TG: variants seen among roughly 807,000 people sequenced by gnomAD.
The protein encoded by TG is thyroglobulin, also known as thyroid hormones.
TG carries 270 observed loss-of-function variants against 324.7 expected under a neutral mutation model. The ratio of observed to expected loss-of-function variants is 0.83; its 90% confidence interval spans 0.75 to 0.92. TG has a LOEUF of 0.92. Ranked by LOEUF, TG falls within the 40% of genes least tolerant of loss-of-function variation. The pLI, the probability that TG is intolerant of heterozygous loss-of-function variation, is 0.00. For missense variants in TG, 3,591 were observed against 3,456.4 expected (o/e 1.04, Z -0.98); for synonymous variants, 1,401 against 1,327.0 (o/e 1.06, Z -1.21).
At chr8:132,872,140 TATC>T (rs1188195113) in intron 4 of TG, among the ~76,000 whole-genome samples, 1 of 152,174 alleles carries the variant, frequency 6.6e-6, no homozygotes, top group Non-Finnish European at 1.5e-5. Context: ...AGCTAAGTGT[TATC>T]ATAAAAGAGT....
At chr8:133,032,958 C>T (rs1456527752) in intron 41 of TG, among the ~76,000 whole-genome samples, 3 of 152,126 alleles carry the variant, frequency 2.0e-5, no homozygotes, top group Admixed American at 6.6e-5. Context: ...TACCAAAGAA[C>T]ACACAGCAAG....
Position 132,882,814 on chromosome 8 carries a change from G to A in TG, c.890G>A (p.Cys297Tyr). The A allele has an allele frequency of 6.2e-7, 1 of 1,614,136 alleles. No individual in the cohort carries two copies. The highest frequency in any genetic ancestry group is 1.7e-5 in the Admixed American group (1 of 60,028). ...VQSVISGRFR[C>Y]PTKCEVERFT... is the part of the protein sequence containing the mutation. Reference sequence around the variant, plus strand: ...TCTTTACTGTGTGGATTTCCTCTAGGCCCCACAAAATGTGAAGTGGAGCGG... The same window carrying A: ...TCTTTACTGTGTGGATTTCCTCTAGACCCCACAAAATGTGAAGTGGAGCGG... The change falls in exon 8 of 48, where the codon TGC (cysteine) becomes TAC (tyrosine). Residue 297 changes from cysteine to tyrosine, a missense_variant and splice_region_variant. Coordinates refer to ENST00000220616, the MANE Select transcript of TG (RefSeq NM_003235.5).
At chr8:133,123,080 C>G (rs1030104388) in intron 45 of TG, among the ~76,000 whole-genome samples, 1 of 152,126 alleles carries the variant, frequency 6.6e-6, no homozygotes, top group African/African-American at 2.4e-5. Context: ...TCCCCCTAAG[C>G]TGTGCCAACC....
intron 35 of TG, among the ~76,000 whole-genome samples, chr8:133,000,869 C>T (rs563142677): frequency 2.6e-5 from 4 of 152,152 alleles, no homozygotes; most frequent in Non-Finnish European, 4.4e-5. Flanking sequence ...CAAAGTACCA[C>T]GAACTGGGTA....
intron 14 of TG, 132 bp from the exon 15 acceptor site, chr8:132,900,105 C>T: frequency 1.3e-6 from 1 of 746,712 alleles, no homozygotes; most frequent in South Asian, 1.5e-5. Context: ...CTCTCCCCAC[C>T]TCCACATCTC....
intron 34 of TG, among the ~76,000 whole-genome samples, chr8:132,982,023 A>G (rs1175685291): frequency 2.0e-5 from 3 of 152,206 alleles, no homozygotes; most frequent in Non-Finnish European, 4.4e-5. Flanking sequence ...CACAGGGACA[A>G]GAGACATGGC....
chr8:132,968,365 A>G (rs1828942750), intron 31 of TG, among the ~76,000 whole-genome samples: 2 of 152,208 alleles, frequency 1.3e-5, no homozygotes, highest in African/African-American at 4.8e-5. Flanking sequence ...ATCCTCTCCT[A>G]AGACAGCCAC....
intron 41 of TG, chr8:133,038,670 G>A (rs750446395): frequency 7.4e-6 from 12 of 1,614,042 alleles, no homozygotes; most frequent in Non-Finnish European, 9.3e-6. Flanking sequence ...CTCTCTCGAA[G>A]GCCATAGCTG....
chr8:132,882,346 G>A (rs1814763101), intron 6 of TG, 123 bp from the exon 7 acceptor site: 16 of 1,181,534 alleles, frequency 1.4e-5, no homozygotes, highest in Middle Eastern at 1.9e-4. Flanking sequence ...TTAAAGTGTT[G>A]TTCAGACTTA....
intron 35 of TG, among the ~76,000 whole-genome samples, chr8:133,009,926 G>A (rs143760084): frequency 2.0e-3 from 304 of 152,212 alleles, no homozygotes; most frequent in Middle Eastern, 0.014. Flanking sequence ...CCAAAACATG[G>A]CACTAGATTG....
chr8:132,936,234 G>A (rs567368120), intron 25 of TG, among the ~76,000 whole-genome samples: 60 of 152,350 alleles, frequency 3.9e-4, no homozygotes, highest in Non-Finnish European at 6.5e-4. Context: ...AGCCTGTGCC[G>A]TCTGGAAGGC....
chr8:133,002,690 C>T (rs928927111), intron 35 of TG: 6 of 233,126 alleles, frequency 2.6e-5, no homozygotes, highest in Non-Finnish European at 5.2e-5. Flanking sequence ...CTGCGTGGAG[C>T]AAGCTGGCGC....
At chr8:133,088,424 C>T (rs1846965378) in intron 41 of TG, among the ~76,000 whole-genome samples, 1 of 152,162 alleles carries the variant, frequency 6.6e-6, no homozygotes, top group African/African-American at 2.4e-5. Flanking sequence ...ACAATGAAAC[C>T]TTTATAATTC....
chr8:133,098,415 C>T (rs937308477), intron 43 of TG, among the ~76,000 whole-genome samples: 18 of 152,260 alleles, frequency 1.2e-4, no homozygotes, highest in African/African-American at 2.6e-4. Context: ...AAACACTGTC[C>T]GCCCTGGAGA....
At chr8:132,988,850 G>A (rs576919355) in intron 35 of TG, 5 of 985,368 alleles carry the variant, frequency 5.1e-6, no homozygotes, top group Non-Finnish European at 4.8e-6. Flanking sequence ...CCAGGACAAC[G>A]AGCATTCAGC....
Position 133,091,841 on chromosome 8 carries a change from C to G in TG, c.7240-3203C>G, listed in dbSNP as rs1354889578. Among the ~76,000 whole-genome samples the G allele has an allele frequency of 2.6e-4, 40 of 151,802 alleles. 1 individual carries two copies. Among genetic ancestry groups the G allele is most frequent in the Admixed American group, 2.6e-3 (40 of 15,238 alleles). Reference sequence around the variant, plus strand: ...GTGTATGCCTGTGAGTTTTATGTGACCATGAGTGTCTGTGTGTGTAAGTGT... The same window carrying G: ...GTGTATGCCTGTGAGTTTTATGTGAGCATGAGTGTCTGTGTGTGTAAGTGT... On this transcript the variant is annotated intron_variant, in intron 41 of 47. Transcript: ENST00000220616.
intron 14 of TG, 50 bp downstream of exon 14, chr8:132,898,960 C>G (rs1372327577): frequency 2.7e-6 from 4 of 1,484,150 alleles, no homozygotes; most frequent in Non-Finnish European, 3.7e-6. Flanking sequence ...CCCCGCTGGT[C>G]AGAGATGATT....
At position 132,968,681 on chromosome 8, in the gene TG, T is replaced by G. The variant is rs143323357; in HGVS notation, c.5863+711T>G. On this transcript the variant is annotated intron_variant, in intron 31 of 47. Transcript: ENST00000220616. ...ATGTGTGGTGGGAACTTGTTGACTC[T>G]AGGTTTCTTTGAGGGATAATCCTGT... Among the ~76,000 whole-genome samples the G allele has an allele frequency of 5.1e-3, 774 of 152,356 alleles. 10 individuals are homozygous for G. The highest frequency in any genetic ancestry group is 0.018 in the African/African-American group (739 of 41,576).
intron 21 of TG, 37 bp from the exon 22 acceptor site, chr8:132,923,301 C>T: frequency 3.1e-6 from 5 of 1,612,156 alleles, no homozygotes; most frequent in Non-Finnish European, 4.2e-6. Flanking sequence ...ATTCCAGAGG[C>T]CCATTATTGA....
Sources: allele counts gnomAD v4.1 joint callset (sites outside exome capture counted in the v4.1 genomes callset), GRCh38; gene constraint gnomAD v4.1.1; transcripts MANE v1.5; gene names NCBI Gene and HGNC (gene_info 2026-07-23, HGNC 2026-07-21).